BAIAP2L1: variants seen among roughly 807,000 people sequenced by gnomAD.
BAIAP2L1 encodes the protein BAR/IMD domain-containing adapter protein 2-like 1.
A neutral mutation model predicts 66.3 loss-of-function variants in BAIAP2L1; 35 were observed. That is an observed-to-expected ratio of 0.53 (90% CI 0.40 to 0.70). BAIAP2L1 has a LOEUF of 0.70. BAIAP2L1 is among the 30% of genes least tolerant of loss of function. BAIAP2L1 has a pLI of 0.00. For missense variants in BAIAP2L1, 622 were observed against 656.9 expected, an observed-to-expected ratio of 0.95 and a Z score of 0.58; for synonymous variants, 269 against 248.7, an observed-to-expected ratio of 1.08 and a Z score of -0.77.
intron 12 of BAIAP2L1, among the ~76,000 whole-genome samples, chr7:98,296,846 T>C (rs1178657977): frequency 6.6e-6 from 1 of 152,204 alleles, no homozygotes; most frequent in African/African-American, 2.4e-5. Context: ...GTGCCTCTTA[T>C]CTGGTGGCCC....
chr7:98,370,235 C>T (rs888564107), intron 1 of BAIAP2L1, among the ~76,000 whole-genome samples: 1 of 151,830 alleles, frequency 6.6e-6, no homozygotes, highest in Non-Finnish European at 1.5e-5. Context: ...ATTAGCCAGG[C>T]ATGGTGGCGG....
chr7:98,311,940 C>T (rs1800888124), intron 8 of BAIAP2L1, among the ~76,000 whole-genome samples, 157 bp downstream of exon 8: 1 of 152,098 alleles, frequency 6.6e-6, no homozygotes, highest in African/African-American at 2.4e-5. Context: ...ATGTGCCCAG[C>T]TACCTTCGCC....
chr7:98,364,886 CTGAGG>C (rs1370696789), intron 1 of BAIAP2L1, among the ~76,000 whole-genome samples: 4 of 138,250 alleles, frequency 2.9e-5, no homozygotes, highest in Non-Finnish European at 4.6e-5. Context: ...ACTTGGGAGG[CTGAGG>C]TGAGAGGATC....
chr7:98,293,632 C>T, intron 13 of BAIAP2L1, 36 bp from the exon 14 acceptor site: 1 of 1,589,278 alleles, frequency 6.3e-7, no homozygotes, highest in South Asian at 1.1e-5. Flanking sequence ...AGAACTTCTG[C>T]TCTACGAGGG....
chr7:98,310,317 A>G, intron 9 of BAIAP2L1, 128 bp downstream of exon 9: 4 of 1,018,986 alleles, frequency 3.9e-6, no homozygotes, highest in Non-Finnish European at 5.6e-6. Flanking sequence ...CCAGGGCTGA[A>G]TGTATCTACC....
At chr7:98,327,644 G>A (rs1042039164) in intron 3 of BAIAP2L1, among the ~76,000 whole-genome samples, 2 of 152,138 alleles carry the variant, frequency 1.3e-5, no homozygotes, top group Admixed American at 6.5e-5. Flanking sequence ...CTGTACTCCA[G>A]CCTGGGTGAA....
intron 1 of BAIAP2L1, among the ~76,000 whole-genome samples, chr7:98,372,176 C>T (rs568422394): frequency 3.3e-4 from 50 of 152,042 alleles, no homozygotes; most frequent in African/African-American, 1.1e-3. Flanking sequence ...GGAGGCAAGG[C>T]GGTCGGATCA....
At chr7:98,376,505 C>T (rs376539161) in intron 1 of BAIAP2L1, among the ~76,000 whole-genome samples, 8 of 151,162 alleles carry the variant, frequency 5.3e-5, no homozygotes, top group African/African-American at 1.7e-4. Flanking sequence ...AGAGGGAGAC[C>T]TTGTCTCAAA....
chr7:98,350,444 T>C (rs1028193050), intron 3 of BAIAP2L1, among the ~76,000 whole-genome samples: 1 of 150,744 alleles, frequency 6.6e-6, no homozygotes, highest in Non-Finnish European at 1.5e-5. Context: ...GATCACGAGG[T>C]CAAGAGATTG....
chr7:98,316,175 G>A lies in BAIAP2L1; in HGVS notation c.487-563C>T, dbSNP rs1801070789. Among the ~76,000 whole-genome samples, 4 of 152,110 alleles carry A rather than the reference G, an allele frequency of 2.6e-5. No homozygotes were observed. In the South Asian group the frequency reaches 8.3e-4, roughly 32 times the overall value. ...TCCCTGCACAAGCTCTCCTTTGCCT[G>A]CTGCCATCCATGTAAGACGTGACTT... is the stretch of plus-strand genomic sequence containing the variant. On this transcript the variant is annotated intron_variant, in intron 6 of 13. Transcript: ENST00000005260.
At chr7:98,379,173 C>G (rs563599666) in intron 1 of BAIAP2L1, among the ~76,000 whole-genome samples, 2 of 152,276 alleles carry the variant, frequency 1.3e-5, no homozygotes, top group African/African-American at 4.8e-5. Flanking sequence ...GCCACCGAGC[C>G]TGGCCAAAGC....
chr7:98,381,954 C>G (rs1436919398), intron 1 of BAIAP2L1, among the ~76,000 whole-genome samples: 1 of 140,260 alleles, frequency 7.1e-6, no homozygotes, highest in African/African-American at 2.7e-5. Flanking sequence ...GAGATGGAGT[C>G]TCGCTCTGTC....
Position 98,293,354 on chromosome 7 carries a change from T to G in BAIAP2L1, c.*167A>C. 1.6e-6 allele frequency: 1 copy of G among 618,572 alleles called. No homozygotes were observed. Among genetic ancestry groups the G allele is most frequent in the Non-Finnish European group, 2.8e-6 (1 of 351,248 alleles). 38.3% of individuals were successfully genotyped at this position (618,572 alleles called of 1,614,324 possible). A position where few individuals can be genotyped will look rare whatever the true frequency, so the allele number is the denominator to read the frequency against. On this transcript the variant is annotated 3_prime_UTR_variant, in exon 14 of 14. Transcript: ENST00000005260. The stretch of plus-strand genomic sequence containing the variant: ...CATTTATCTTAAAGGCAGAAACTTG[T>G]CAACCCAACTACGTGAAACAGAGAA...
At chr7:98,390,731 C>CAA (rs143038894) in intron 1 of BAIAP2L1, among the ~76,000 whole-genome samples, 169 of 148,294 alleles carry the variant, frequency 1.1e-3, no homozygotes, top group Middle Eastern at 3.5e-3. Context: ...GACTCTGTCT[C>CAA]AAAAAAAAAC....
At chr7:98,358,223 GTTAAA>G (rs1802184858) in intron 2 of BAIAP2L1, among the ~76,000 whole-genome samples, 1 of 152,092 alleles carries the variant, frequency 6.6e-6, no homozygotes, top group Non-Finnish European at 1.5e-5. Flanking sequence ...TGATGATAAA[GTTAAA>G]TTAACTTGAA....
chr7:98,315,700 A>G, intron 6 of BAIAP2L1, 88 bp from the exon 7 acceptor site: 2 of 586,568 alleles, frequency 3.4e-6, no homozygotes, highest in Non-Finnish European at 2.5e-6. Context: ...ATCTTCTGCC[A>G]TCTTTACACC....
chr7:98,378,783 A>G (rs1397005618), intron 1 of BAIAP2L1, among the ~76,000 whole-genome samples: 4 of 151,330 alleles, frequency 2.6e-5, no homozygotes, highest in Non-Finnish European at 5.9e-5. Flanking sequence ...CTATAGGCAC[A>G]CGCCACCATG....
At chr7:98,325,693 A>AC (rs1801366734) in intron 3 of BAIAP2L1, among the ~76,000 whole-genome samples, 1 of 152,018 alleles carries the variant, frequency 6.6e-6, no homozygotes, top group African/African-American at 2.4e-5. Context: ...ATATATACAT[A>AC]CAAAAAAAAA....
intron 3 of BAIAP2L1, among the ~76,000 whole-genome samples, chr7:98,346,672 CCA>C (rs528963582): frequency 3.9e-5 from 6 of 152,266 alleles, no homozygotes; most frequent in Admixed American, 2.0e-4. Flanking sequence ...CAGAGCATCC[CCA>C]CAGACAGCCG....
Sources: allele counts gnomAD v4.1 joint callset (sites outside exome capture counted in the v4.1 genomes callset), GRCh38; gene constraint gnomAD v4.1.1; transcripts MANE v1.5; gene names NCBI Gene and HGNC (gene_info 2026-07-23, HGNC 2026-07-21).